SSBP2: variants seen among roughly 807,000 people sequenced by gnomAD.
The protein encoded by SSBP2 is single stranded DNA binding protein 2, also known as single-stranded DNA-binding protein 2.
SSBP2 carries 17 observed loss-of-function variants against 61.8 expected under a neutral mutation model. That is an observed-to-expected ratio of 0.28 (90% CI 0.19 to 0.41). SSBP2 has a LOEUF of 0.41. Ranked by LOEUF, SSBP2 falls within the 10% of genes least tolerant of loss-of-function variation. The pLI is 1.00. For missense variants in SSBP2, 310 were observed against 458.7 expected, an observed-to-expected ratio of 0.68 and a Z score of 2.96; for synonymous variants, 139 against 141.3, an observed-to-expected ratio of 0.98 and a Z score of 0.12.
chr5:81,624,142 T>A (rs527752968), intron 3 of SSBP2, among the ~76,000 whole-genome samples: 54 of 152,300 alleles, frequency 3.5e-4, no homozygotes, highest in African/African-American at 1.2e-3. Context: ...GAGAGTTTCA[T>A]AATTAAGTCT....
intron 2 of SSBP2, 71 bp from the exon 3 acceptor site, chr5:81,636,689 TCCCCATTTAAAA>T (rs1748271118): frequency 1.8e-6 from 2 of 1,141,198 alleles, no homozygotes; most frequent in Admixed American, 2.1e-5. Context: ...AGTAATAATA[TCCCCATTTAAAA>T]TACTATAGTA....
intron 4 of SSBP2, among the ~76,000 whole-genome samples, chr5:81,533,289 T>C (rs2154108165): frequency 6.6e-6 from 1 of 151,716 alleles, no homozygotes; most frequent in Admixed American, 6.6e-5. Flanking sequence ...AACATATAGG[T>C]AAAAGACAAA....
chr5:81,576,307 T>G (rs1037062721), intron 4 of SSBP2, among the ~76,000 whole-genome samples: 2 of 152,046 alleles, frequency 1.3e-5, no homozygotes, highest in African/African-American at 4.8e-5. Flanking sequence ...GCAAGTGAAA[T>G]ATTTGAGATT....
chr5:81,633,875 C>G (rs188507384), intron 3 of SSBP2, among the ~76,000 whole-genome samples: 1 of 152,242 alleles, frequency 6.6e-6, no homozygotes, highest in African/African-American at 2.4e-5. Context: ...GTTCAAGTAA[C>G]CATTCTCTAC....
At chr5:81,672,580 T>G (rs561542380) in intron 1 of SSBP2, among the ~76,000 whole-genome samples, 3 of 151,704 alleles carry the variant, frequency 2.0e-5, no homozygotes, top group Admixed American at 2.0e-4. Context: ...TTTCTTTTTT[T>G]TTTTTTTTGA....
At chr5:81,522,106 T>A (rs949624812) in intron 4 of SSBP2, among the ~76,000 whole-genome samples, 1 of 152,026 alleles carries the variant, frequency 6.6e-6, no homozygotes, top group African/African-American at 2.4e-5. Context: ...CTGTGATATA[T>A]TTACAGTAAG....
chr5:81,610,095 C>T (rs1745298594), intron 4 of SSBP2, among the ~76,000 whole-genome samples: 1 of 152,192 alleles, frequency 6.6e-6, no homozygotes, highest in Admixed American at 6.5e-5. Context: ...AGCTATAACA[C>T]AGTCGGGCTG....
intron 4 of SSBP2, among the ~76,000 whole-genome samples, chr5:81,543,276 T>A (rs1771449858): frequency 6.6e-6 from 1 of 152,192 alleles, no homozygotes. Flanking sequence ...TAAAACTCCT[T>A]TGTTTATAAA....
chr5:81,430,226 G>GT (rs1350036039), intron 15 of SSBP2, among the ~76,000 whole-genome samples: 2 of 152,082 alleles, frequency 1.3e-5, no homozygotes, highest in African/African-American at 4.8e-5. Context: ...AAAAAATATT[G>GT]TAAGATTTAC....
intron 2 of SSBP2, among the ~76,000 whole-genome samples, chr5:81,641,789 T>C (rs1051360267): frequency 6.6e-6 from 1 of 152,192 alleles, no homozygotes; most frequent in African/African-American, 2.4e-5. Flanking sequence ...GATACTTACA[T>C]ACTACAGAAC....
rs184883190 is a variant in SSBP2, at chr5:81,738,357, G to T, written c.62+12624C>A. Among the ~76,000 whole-genome samples, 207 of 152,230 alleles carry T rather than the reference G, an allele frequency of 1.4e-3. 1 individual carries two copies. Among genetic ancestry groups the T allele is most frequent in the African/African-American group, 4.5e-3 (188 of 41,532 alleles). On this transcript the variant is annotated intron_variant, in intron 1 of 16. Coordinates refer to ENST00000320672, the MANE Select transcript of SSBP2 (RefSeq NM_012446.5). ...AGAGAGAAATAATAAACTAAACCTTGAGTTCAGATTTCAGCTCTAACATGT... is the reference window on the plus strand; with the variant it reads ...AGAGAGAAATAATAAACTAAACCTTTAGTTCAGATTTCAGCTCTAACATGT...
chr5:81,708,585 A>T (rs1334396546), intron 1 of SSBP2, among the ~76,000 whole-genome samples: 1 of 151,984 alleles, frequency 6.6e-6, no homozygotes, highest in African/African-American at 2.4e-5. Context: ...AATTCACTGC[A>T]TTTTTATTTT....
chr5:81,615,572 A>G lies in SSBP2; in HGVS notation c.198-15T>C, dbSNP rs1364988482. The G allele has an allele frequency of 6.4e-7, 1 of 1,565,622 alleles. No individual in the cohort carries two copies. The highest frequency in any genetic ancestry group is 1.7e-5 in the Admixed American group (1 of 58,764). On this transcript the variant is annotated splice_polypyrimidine_tract_variant and intron_variant, in intron 3 of 16. Transcript: ENST00000320672. ...CCCAAAATACACTAAAAAAGTAATC[A>G]TGGTAACATTAAGAAAATCATACAA...
At chr5:81,547,683 G>T (rs1723214281) in intron 4 of SSBP2, among the ~76,000 whole-genome samples, 2 of 152,128 alleles carry the variant, frequency 1.3e-5, no homozygotes, top group African/African-American at 4.8e-5. Context: ...ATGTTGCCCA[G>T]GCTGGTCTCA....
At chr5:81,685,165 C>A (rs886120646) in intron 1 of SSBP2, among the ~76,000 whole-genome samples, 1 of 152,104 alleles carries the variant, frequency 6.6e-6, no homozygotes, top group African/African-American at 2.4e-5. Flanking sequence ...TTTCTTGAGG[C>A]CTCCCAGTCA....
intron 5 of SSBP2, among the ~76,000 whole-genome samples, chr5:81,504,327 A>C (rs1233825681): frequency 6.6e-6 from 1 of 151,748 alleles, no homozygotes; most frequent in African/African-American, 2.4e-5. Context: ...TGCTGTTAAA[A>C]CCCTCCACTC....
In SSBP2 at chr5:81,416,238, T is replaced by TA. The variant is rs146933320; in HGVS notation, c.*4265dup. The TA allele has an allele frequency of 0.092, 13,865 of 150,766 alleles. 744 individuals are homozygous for TA. Among genetic ancestry groups the TA allele is most frequent in the African/African-American group, 0.14 (5,875 of 40,944 alleles). 9.3% of individuals were successfully genotyped at this position (150,766 alleles called of 1,614,324 possible). A position where few individuals can be genotyped will look rare whatever the true frequency, so the allele number is the denominator to read the frequency against. On this transcript the variant is annotated 3_prime_UTR_variant, in exon 17 of 17. Transcript: ENST00000320672. ...CAAAAAAAAAAAAGAAAAAAAAATT[T>TA]AAAAAAAAGGAAAACCAGTGTCAAA...
At chr5:81,509,101 G>C (rs1369003295) in intron 5 of SSBP2, among the ~76,000 whole-genome samples, 1 of 152,150 alleles carries the variant, frequency 6.6e-6, no homozygotes, top group Admixed American at 6.6e-5. Context: ...GCACCCTTTT[G>C]ACTAAGTCTC....
rs1287894928 is a variant in SSBP2, at chr5:81,414,790, C to G, written c.*5714G>C. 1 of 152,130 alleles carries G rather than the reference C, an allele frequency of 6.6e-6. No individual in the cohort carries two copies. Among genetic ancestry groups the G allele is most frequent in the Non-Finnish European group, 1.5e-5 (1 of 68,024 alleles). The allele number at this position is 152,130 out of a possible 1,614,324, so 9.4% of individuals were successfully genotyped here. A position where few individuals can be genotyped will look rare whatever the true frequency, so the allele number is the denominator to read the frequency against. On this transcript the variant is annotated 3_prime_UTR_variant, in exon 17 of 17. Coordinates refer to ENST00000320672, the MANE Select transcript of SSBP2 (RefSeq NM_012446.5). Reference sequence around the variant, plus strand: ...GTATTACTCTTTCCATCCCAAATAACTTTCATCAGCTGTTTTACCACTGAA... The same window carrying G: ...GTATTACTCTTTCCATCCCAAATAAGTTTCATCAGCTGTTTTACCACTGAA...
Sources: gnomAD v4.1 joint callset for allele counts (sites outside exome capture counted in the v4.1 genomes callset) on GRCh38, gnomAD v4.1.1 for gene constraint, MANE v1.5 for transcripts, NCBI Gene and HGNC (gene_info 2026-07-23, HGNC 2026-07-21) for gene names.